The following PTPRD variants were observed in gnomAD, a reference collection of about 807,000 sequenced individuals.
PTPRD encodes protein tyrosine phosphatase receptor type D, also known as receptor-type tyrosine-protein phosphatase delta.
A neutral mutation model predicts 214.5 loss-of-function variants in PTPRD; 34 were observed. The ratio of observed to expected loss-of-function variants is 0.16; its 90% CI spans 0.12 to 0.21. PTPRD has a LOEUF of 0.21. Ranked by LOEUF, PTPRD falls within the 10% of genes least tolerant of loss-of-function variation. The pLI is 1.00. For missense variants in PTPRD, 2,545 were observed against 2,398.7 expected (o/e 1.06, Z -1.27); for synonymous variants, 1,128 against 845.7 (o/e 1.33, Z -5.79).
intron 3 of PTPRD, among the ~76,000 whole-genome samples, chr9:10,140,982 G>C (rs887382210): frequency 2.0e-5 from 3 of 151,910 alleles, no homozygotes; most frequent in Admixed American, 1.3e-4. Context: ...CATATAAACA[G>C]AACCAAAGAC....
chr9:9,504,865 GTAAAT>G (rs2096533966), intron 8 of PTPRD, among the ~76,000 whole-genome samples: 1 of 151,534 alleles, frequency 6.6e-6, no homozygotes, highest in Non-Finnish European at 1.5e-5. Context: ...TGTTCAAAAA[GTAAAT>G]TAAAAAACAA....
intron 12 of PTPRD, among the ~76,000 whole-genome samples, chr9:8,667,251 A>C (rs1233881544): frequency 6.6e-6 from 1 of 152,220 alleles, no homozygotes; most frequent in East Asian, 1.9e-4. Flanking sequence ...AGGCAGGAGT[A>C]TCGCTTGAAC....
intron 4 of PTPRD, among the ~76,000 whole-genome samples, chr9:9,990,800 C>A: frequency 6.6e-6 from 1 of 152,134 alleles, no homozygotes. Flanking sequence ...ACCCTAAATA[C>A]ATTAGAGAGG....
At chr9:8,903,303 C>T (rs1028326780) in intron 11 of PTPRD, among the ~76,000 whole-genome samples, 2 of 152,158 alleles carry the variant, frequency 1.3e-5, no homozygotes, top group African/African-American at 4.8e-5. Flanking sequence ...AGCCTAGCCA[C>T]ATGCTATTAC....
intron 11 of PTPRD, among the ~76,000 whole-genome samples, chr9:8,833,711 TATATACACAC>T (rs1223466846): frequency 2.5e-4 from 35 of 137,566 alleles, no homozygotes; most frequent in Admixed American, 1.2e-3. Context: ...TATATATATA[TATATACACAC>T]ACACACACAC....
chr9:9,558,346 C>G (rs1166249526), intron 8 of PTPRD, among the ~76,000 whole-genome samples: 1 of 152,178 alleles, frequency 6.6e-6, no homozygotes, highest in Admixed American at 6.5e-5. Flanking sequence ...CTGAGTCATG[C>G]AGAATGTAAA....
chr9:9,117,302 T>G (rs1008418625), intron 10 of PTPRD, among the ~76,000 whole-genome samples: 1 of 151,964 alleles, frequency 6.6e-6, no homozygotes, highest in African/African-American at 2.4e-5. Context: ...CACTGTTAGA[T>G]TTGTAAAACA....
At chr9:8,826,824 T>C (rs866828107) in intron 11 of PTPRD, among the ~76,000 whole-genome samples, 2 of 152,068 alleles carry the variant, frequency 1.3e-5, no homozygotes, top group Non-Finnish European at 2.9e-5. Flanking sequence ...TTTAGAGCCT[T>C]GCGTGGTCTG....
chr9:9,952,927 T>C (rs375991058), intron 4 of PTPRD, among the ~76,000 whole-genome samples: 21 of 152,262 alleles, frequency 1.4e-4, no homozygotes, highest in African/African-American at 4.3e-4. Flanking sequence ...AAGAATGATA[T>C]AATTGGCAAG....
chr9:8,522,548 T>C (rs1024936771), intron 19 of PTPRD, among the ~76,000 whole-genome samples: 1 of 152,184 alleles, frequency 6.6e-6, no homozygotes, highest in African/African-American at 2.4e-5. Context: ...CACATTCAAA[T>C]TGAGGGACAC....
intron 5 of PTPRD, among the ~76,000 whole-genome samples, chr9:9,797,739 G>T (rs915008851): frequency 8.0e-6 from 1 of 124,938 alleles, no homozygotes; most frequent in Admixed American, 7.5e-5. Context: ...CCAGCTACTC[G>T]GGGGGGGCTG....
chr9:10,040,800 G>A (rs2097283703), intron 3 of PTPRD, among the ~76,000 whole-genome samples: 1 of 151,952 alleles, frequency 6.6e-6, no homozygotes, highest in Non-Finnish European at 1.5e-5. Flanking sequence ...CACTTTTAAA[G>A]GTACTTTATC....
intron 39 of PTPRD, among the ~76,000 whole-genome samples, chr9:8,344,189 G>T (rs1855297144): frequency 6.6e-6 from 1 of 152,030 alleles, no homozygotes. Context: ...TGTCTTCATT[G>T]CAGCTGTGAA....
intron 4 of PTPRD, among the ~76,000 whole-genome samples, chr9:9,970,401 G>GATCACGCCACTGTACTCC (rs2095015314): frequency 7.2e-6 from 1 of 139,334 alleles, no homozygotes; most frequent in Non-Finnish European, 1.6e-5. Context: ...AGTGAGCCGA[G>GATCACGCCACTGTACTCC]AGCCTGGGCG....
chr9:8,757,627 T>TAC (rs2094105655), intron 11 of PTPRD, among the ~76,000 whole-genome samples: 1 of 144,372 alleles, frequency 6.9e-6, no homozygotes, highest in Non-Finnish European at 1.5e-5. Flanking sequence ...TCTGCATATA[T>TAC]ATATATATAT....
chr9:8,588,615 G>C (rs996147518), intron 14 of PTPRD, among the ~76,000 whole-genome samples: 11 of 152,102 alleles, frequency 7.2e-5, no homozygotes, highest in African/African-American at 2.7e-4. Context: ...ACATTTAGGA[G>C]AAAAGATATT....
At chr9:9,172,319 CAT>C (rs1411825649) in intron 10 of PTPRD, among the ~76,000 whole-genome samples, 1 of 152,076 alleles carries the variant, frequency 6.6e-6, no homozygotes, top group African/African-American at 2.4e-5. Context: ...CCTAAAGAAA[CAT>C]AGTAATAAAG....
chr9:8,591,241 G>C (rs943116431), intron 14 of PTPRD, among the ~76,000 whole-genome samples: 2 of 152,160 alleles, frequency 1.3e-5, no homozygotes, highest in South Asian at 4.1e-4. Context: ...GCCTTGTAGG[G>C]TAACATAGTC....
chr9:9,592,439 C>A (rs997248971), intron 7 of PTPRD, among the ~76,000 whole-genome samples: 3 of 152,002 alleles, frequency 2.0e-5, no homozygotes, highest in African/African-American at 7.2e-5. Flanking sequence ...AATTGAAGAG[C>A]AAACTCCCAG....
Sources: allele counts gnomAD v4.1 joint callset (sites outside exome capture counted in the v4.1 genomes callset), GRCh38; gene constraint gnomAD v4.1.1; transcripts MANE v1.5; gene names NCBI Gene and HGNC (gene_info 2026-07-23, HGNC 2026-07-21).